The following HS6ST3 variants were observed in gnomAD, a reference collection of about 807,000 sequenced individuals.
HS6ST3 encodes the protein heparan sulfate 6-O-sulfotransferase 3.
HS6ST3 carries 12 observed loss-of-function variants against 36.7 expected under a neutral mutation model. That is an observed-to-expected ratio of 0.33 (90% confidence interval 0.21 to 0.53). The LOEUF (loss-of-function observed/expected upper bound fraction) is 0.53, where lower values mean the gene tolerates loss of function less well. Ranked by LOEUF, HS6ST3 falls within the 20% of genes least tolerant of loss-of-function variation. The pLI, the probability that HS6ST3 is intolerant of heterozygous loss-of-function variation, is 0.95. For synonymous variants in HS6ST3, 240 were observed against 257.5 expected (o/e 0.93, Z 0.65); for missense variants, 584 against 640.9 (o/e 0.91, Z 0.96).
intron 1 of HS6ST3, among the ~76,000 whole-genome samples, chr13:96,302,618 C>G (rs962236360): frequency 6.6e-6 from 1 of 152,028 alleles, no homozygotes. Context: ...ACTATAAGGA[C>G]AACACCAACA....
chr13:96,432,730 G>C (rs981832757), intron 1 of HS6ST3, among the ~76,000 whole-genome samples: 1 of 152,138 alleles, frequency 6.6e-6, no homozygotes, highest in African/African-American at 2.4e-5. Context: ...AACATGGGCA[G>C]GAATGAGGAG....
chr13:96,396,669 A>G (rs763275443), intron 1 of HS6ST3, among the ~76,000 whole-genome samples: 6 of 152,070 alleles, frequency 3.9e-5, no homozygotes, highest in Non-Finnish European at 7.4e-5. Flanking sequence ...CCCCATCCCC[A>G]TCAGTTGCTA....
intron 1 of HS6ST3, among the ~76,000 whole-genome samples, chr13:96,418,496 A>T (rs2055545895): frequency 6.6e-6 from 1 of 152,168 alleles, no homozygotes; most frequent in African/African-American, 2.4e-5. Flanking sequence ...CAAAGCCTGG[A>T]AATGGCATTT....
At chr13:96,751,802 A>G (rs1324888180) in intron 1 of HS6ST3, among the ~76,000 whole-genome samples, 2 of 151,412 alleles carry the variant, frequency 1.3e-5, no homozygotes, top group Non-Finnish European at 2.9e-5. Flanking sequence ...ATATGTGTGT[A>G]TGTGTATATA....
chr13:96,146,726 G>A (rs1023640542), intron 1 of HS6ST3, among the ~76,000 whole-genome samples: 1 of 152,154 alleles, frequency 6.6e-6, no homozygotes, highest in African/African-American at 2.4e-5. Context: ...GAATTCGTAT[G>A]TAGGTATGGT....
intron 1 of HS6ST3, among the ~76,000 whole-genome samples, chr13:96,596,541 G>A (rs968243306): frequency 1.3e-5 from 2 of 152,086 alleles, no homozygotes; most frequent in Admixed American, 1.3e-4. Flanking sequence ...TCTTCATACC[G>A]GTTTCCATAT....
At chr13:96,683,840 A>T (rs1296855094) in intron 1 of HS6ST3, among the ~76,000 whole-genome samples, 1 of 152,082 alleles carries the variant, frequency 6.6e-6, no homozygotes, top group Non-Finnish European at 1.5e-5. Context: ...AAAATTACAA[A>T]CCGCAGAGTT....
At chr13:96,804,205 T>C (rs118042158) in intron 1 of HS6ST3, among the ~76,000 whole-genome samples, 1,555 of 151,162 alleles carry the variant, frequency 0.01, 13 homozygotes, top group Non-Finnish European at 0.016. Context: ...AAGGCCAGAA[T>C]TGGGAACGGC....
intron 1 of HS6ST3, among the ~76,000 whole-genome samples, chr13:96,197,691 C>G (rs1370852746): frequency 6.6e-6 from 1 of 152,124 alleles, no homozygotes; most frequent in African/African-American, 2.4e-5. Context: ...TACAGCCTTC[C>G]AAATGGGAGA....
chr13:96,339,706 C>T (rs1240662802), intron 1 of HS6ST3, among the ~76,000 whole-genome samples: 1 of 152,120 alleles, frequency 6.6e-6, no homozygotes, highest in Non-Finnish European at 1.5e-5. Context: ...TCAGACAATC[C>T]CTAGGCCTCC....
chr13:96,600,214 A>G (rs1252885530), intron 1 of HS6ST3, among the ~76,000 whole-genome samples: 3 of 151,896 alleles, frequency 2.0e-5, no homozygotes. Flanking sequence ...TGCTGTCAGT[A>G]GAGTGTCTAA....
intron 1 of HS6ST3, among the ~76,000 whole-genome samples, chr13:96,538,046 A>G (rs6491299): frequency 5.9e-5 from 9 of 152,150 alleles, no homozygotes; most frequent in African/African-American, 2.2e-4. Context: ...CTTCACCTAT[A>G]ATGGATGCAA....
At chr13:96,654,800 G>A (rs554024211) in intron 1 of HS6ST3, among the ~76,000 whole-genome samples, 2 of 152,218 alleles carry the variant, frequency 1.3e-5, no homozygotes, top group South Asian at 4.1e-4. Context: ...GATGTCTGTA[G>A]TGAAGCAGAC....
chr13:96,702,866 A>T (rs552883215), intron 1 of HS6ST3, among the ~76,000 whole-genome samples: 1 of 152,312 alleles, frequency 6.6e-6, no homozygotes, highest in Admixed American at 6.5e-5. Context: ...TGGGAAAATA[A>T]ATTAAGCCTC....
intron 1 of HS6ST3, among the ~76,000 whole-genome samples, chr13:96,621,490 T>A (rs2056494953): frequency 6.6e-6 from 1 of 152,192 alleles, no homozygotes; most frequent in Non-Finnish European, 1.5e-5. Context: ...CATGTGGAAC[T>A]GTGAGTCAAT....
intron 1 of HS6ST3, among the ~76,000 whole-genome samples, chr13:96,123,922 A>G (rs2053938419): frequency 6.6e-6 from 1 of 152,172 alleles, no homozygotes; most frequent in South Asian, 2.1e-4. Flanking sequence ...GCAATACTAC[A>G]GTTAAGAATC....
intron 1 of HS6ST3, among the ~76,000 whole-genome samples, chr13:96,801,054 G>T (rs1878054685): frequency 6.6e-6 from 1 of 151,990 alleles, no homozygotes; most frequent in African/African-American, 2.4e-5. Flanking sequence ...TCTCTTCCTT[G>T]TTCTTATGTC....
At chr13:96,723,656 T>C (rs961894693) in intron 1 of HS6ST3, among the ~76,000 whole-genome samples, 1 of 152,228 alleles carries the variant, frequency 6.6e-6, no homozygotes, top group African/African-American at 2.4e-5. Context: ...TACTGGGTAA[T>C]TCCTGTGTTG....
chr13:96,607,704 T>G (rs1344473349), intron 1 of HS6ST3, among the ~76,000 whole-genome samples: 1 of 152,184 alleles, frequency 6.6e-6, no homozygotes, highest in Non-Finnish European at 1.5e-5. Flanking sequence ...GAGACTATTG[T>G]GTATATAATA....
Sources: allele counts gnomAD v4.1 joint callset (sites outside exome capture counted in the v4.1 genomes callset), GRCh38; gene constraint gnomAD v4.1.1; transcripts MANE v1.5; gene names NCBI Gene and HGNC (gene_info 2026-07-23, HGNC 2026-07-21).